Variants in MYL6 observed in about 807,000 individuals in gnomAD.
The protein encoded by MYL6 is myosin light polypeptide 6.
Under a neutral mutation model 20.3 loss-of-function variants are expected in MYL6, and 20 were observed. That is an observed-to-expected ratio of 0.98 (90% CI 0.69 to 1.43). MYL6 has a LOEUF of 1.43. MYL6 is among the 40% of genes most tolerant of loss of function. The pLI, the probability that MYL6 is intolerant of heterozygous loss-of-function variation, is 0.00. For synonymous variants in MYL6, 77 were observed against 72.4 expected, an observed-to-expected ratio of 1.06 and a Z score of -0.32; for missense variants, 164 against 191.0, an observed-to-expected ratio of 0.86 and a Z score of 0.83.
intron 2 of MYL6, 185 bp from the exon 3 acceptor site, chr12:56,159,402 C>CCT: frequency 2.6e-6 from 2 of 755,212 alleles, no homozygotes; most frequent in Admixed American, 6.2e-5. Flanking sequence ...GGGGAGGAAG[C>CCT]CTCTATATAG....
intron 1 of MYL6, 54 bp from the exon 2 acceptor site, chr12:56,158,630 G>C (rs1232864394): frequency 6.2e-7 from 1 of 1,613,978 alleles, no homozygotes; most frequent in African/African-American, 1.3e-5. Context: ...GGCTGGGATA[G>C]AAACTCGGGG....
intron 3 of MYL6, 67 bp from the exon 4 acceptor site, chr12:56,159,908 T>C (rs1168100524): frequency 6.4e-7 from 1 of 1,555,482 alleles, no homozygotes; most frequent in East Asian, 2.2e-5. Context: ...TTGAGGTCTC[T>C]ATAATCCCCT....
intron 2 of MYL6, chr12:56,159,205 G>A (rs969767208): frequency 2.1e-5 from 6 of 279,610 alleles, no homozygotes; most frequent in Non-Finnish European, 4.1e-5. Flanking sequence ...TTATACTGGA[G>A]GGGTGCGAAG....
chr12:56,158,871 C>T, intron 2 of MYL6, 160 bp downstream of exon 2: 2 of 1,465,640 alleles, frequency 1.4e-6, no homozygotes, highest in East Asian at 4.9e-5. Context: ...TTTCTTTTCT[C>T]ACTTTCTTCC....
In MYL6 at chr12:56,160,243, G is replaced by A; in HGVS notation, c.350G>A (p.Gly117Asp). Reference protein sequence around the residue: ...AEIRHVLVTLGEKMTEEEVEM... With the variant: ...AEIRHVLVTLDEKMTEEEVEM... Reference sequence around the variant, plus strand: ...AAAAATGCTTTCTTTCCCCCTGCAGGTGAGAAGATGACAGAGGAAGAAGTA... The same window carrying A: ...AAAAATGCTTTCTTTCCCCCTGCAGATGAGAAGATGACAGAGGAAGAAGTA... Residue 117 changes from glycine (G) to aspartate (D), a missense_variant and splice_region_variant, in exon 5 of 7, where the codon GGT becomes GAT. By Grantham distance (94) the Gly-to-Asp change is moderately conservative. Coordinates refer to ENST00000550697, the MANE Select transcript of MYL6 (RefSeq NM_021019.5). The A allele has an allele frequency of 1.2e-6, 2 of 1,614,236 alleles. No individual in the cohort carries two copies. The highest frequency in any genetic ancestry group is 1.7e-6 in the Non-Finnish European group (2 of 1,180,050).
intron 2 of MYL6, 52 bp downstream of exon 2, chr12:56,158,763 T>TC: frequency 1.9e-6 from 3 of 1,608,520 alleles, no homozygotes; most frequent in African/African-American, 1.3e-5. Context: ...AGGGACACCC[T>TC]CCCCCCAGCA....
chr12:56,160,569 C>A, intron 5 of MYL6, 57 bp from the exon 6 acceptor site: 1 of 1,583,326 alleles, frequency 6.3e-7, no homozygotes, highest in Non-Finnish European at 8.7e-7. Context: ...CACTGCCTGA[C>A]CCCTCACCCC....
chr12:56,160,590 CTT>C (rs1248181942), intron 5 of MYL6, 34 bp from the exon 6 acceptor site: 1 of 1,612,242 alleles, frequency 6.2e-7, no homozygotes, highest in Non-Finnish European at 8.5e-7. Flanking sequence ...ATGTCTTTGT[CTT>C]GTCTTCACCA....
At chr12:56,161,119 T>C (rs939269063) in intron 6 of MYL6, 1 of 594,028 alleles carries the variant, frequency 1.7e-6, no homozygotes, top group African/African-American at 1.9e-5. Flanking sequence ...TGGCTGACAG[T>C]AGCTGTAGGT....
intron 1 of MYL6, 122 bp from the exon 2 acceptor site, chr12:56,158,562 G>C (rs765273354): frequency 2.0e-5 from 32 of 1,613,380 alleles, no homozygotes; most frequent in African/African-American, 2.7e-5. Flanking sequence ...GCGGGGAAGC[G>C]AGTCTGCAGC....
chr12:56,158,879 T>C, intron 2 of MYL6, 168 bp downstream of exon 2: 1 of 1,457,268 alleles, frequency 6.9e-7, no homozygotes, highest in Non-Finnish European at 9.0e-7. Context: ...CTCACTTTCT[T>C]CCTCCCTCCC....
intron 2 of MYL6, 155 bp from the exon 3 acceptor site, chr12:56,159,432 A>C: frequency 2.1e-5 from 21 of 977,902 alleles, no homozygotes; most frequent in Non-Finnish European, 3.0e-5. Context: ...GTTGGGAGGA[A>C]GAGAAATAGA....
chr12:56,161,419 C>A lies in MYL6; in HGVS notation c.*49C>A. ...CCGCATGGTGCTGAATGGCTGAGGA[C>A]CTTCCCAGTCTCCCCAGAGTCCGTG... On this transcript the variant is annotated 3_prime_UTR_variant, in exon 7 of 7. Coordinates refer to ENST00000550697, the MANE Select transcript of MYL6 (RefSeq NM_021019.5). 6.2e-7 allele frequency: 1 copy of A among 1,614,178 alleles called. No homozygotes were observed. Among genetic ancestry groups the A allele is most frequent in the Non-Finnish European group, 8.5e-7 (1 of 1,180,012 alleles).
In MYL6 at chr12:56,159,627, T is replaced by C. The variant is rs774423340; in HGVS notation, c.72T>C (p.Asp24=). The stretch of plus-strand genomic sequence containing the variant: ...TCCAGCTGTTTGACCGAACAGGTGA[T>C]GGCAAGATCCTGTACAGCCAGTGTG... The part of the protein sequence containing the change: ...EAFQLFDRTG[D]GKILYSQCGD... The change falls in exon 3 of 7, where the codon GAT becomes GAC. Residue 24 remains aspartate (D), a synonymous_variant. Coordinates refer to ENST00000550697, the MANE Select transcript of MYL6 (RefSeq NM_021019.5). The C allele has an allele frequency of 5.0e-6, 8 of 1,614,050 alleles. No homozygotes were observed. The highest frequency in any genetic ancestry group is 3.3e-5 in the Admixed American group (2 of 60,020).
At chr12:56,158,587 TG>T in intron 1 of MYL6, 96 bp from the exon 2 acceptor site, 1 of 1,594,034 alleles carries the variant, frequency 6.3e-7, no homozygotes, top group South Asian at 1.1e-5. Flanking sequence ...AACAGGAGTT[TG>T]TGGGTCAGAG....
intron 6 of MYL6, chr12:56,161,095 TCTC>T (rs1871805467): frequency 1.7e-6 from 1 of 584,594 alleles, no homozygotes; most frequent in South Asian, 2.0e-5. Flanking sequence ...AACTCTGTCC[TCTC>T]CTCCCGCCAG....
chr12:56,161,258 T>C (rs1471133118), intron 6 of MYL6, 129 bp from the exon 7 acceptor site: 16 of 1,112,974 alleles, frequency 1.4e-5, no homozygotes, highest in Non-Finnish European at 2.2e-5. Flanking sequence ...CTCTGCAAAC[T>C]GACCCCAGGG....
intron 2 of MYL6, 114 bp from the exon 3 acceptor site, chr12:56,159,473 T>G: frequency 7.3e-7 from 1 of 1,376,406 alleles, no homozygotes; most frequent in Non-Finnish European, 1.0e-6. Flanking sequence ...GTGTACAGTT[T>G]GGTGCAGATA....
chr12:56,160,376 A>G (rs2136916819), intron 5 of MYL6, 56 bp downstream of exon 5: 3 of 1,605,586 alleles, frequency 1.9e-6, no homozygotes, highest in East Asian at 2.2e-5. Flanking sequence ...CAGGTCAAGT[A>G]TAGTGTCTGG....
Sources: gnomAD v4.1 joint callset for allele counts on GRCh38, gnomAD v4.1.1 for gene constraint, MANE v1.5 for transcripts, NCBI Gene and HGNC (gene_info 2026-07-23, HGNC 2026-07-21) for gene names.